The following GRM7 variants were observed in gnomAD, a reference collection of about 807,000 sequenced individuals.
The protein encoded by GRM7 is glutamate metabotropic receptor 7.
In GRM7, 35 loss-of-function variants were observed where a neutral mutation model predicts 84.5. The observed-to-expected ratio is 0.41, with a 90% CI of 0.32 to 0.55. The LOEUF (loss-of-function observed/expected upper bound fraction) is 0.55. GRM7 is among the 20% of genes least tolerant of loss of function. GRM7 has a pLI of 0.19. For missense variants in GRM7, 1,003 were observed against 1,194.6 expected (o/e 0.84, Z 2.36); for synonymous variants, 487 against 455.1 (o/e 1.07, Z -0.89).
chr3:6,965,830 A>T (rs1001849591), intron 1 of GRM7, among the ~76,000 whole-genome samples: 34 of 152,248 alleles, frequency 2.2e-4, no homozygotes, highest in African/African-American at 8.2e-4. Flanking sequence ...CATCCATCTG[A>T]GTGGTGCTAT....
intron 1 of GRM7, among the ~76,000 whole-genome samples, chr3:6,935,264 A>C (rs544487746): frequency 2.2e-4 from 34 of 152,272 alleles, no homozygotes; most frequent in African/African-American, 7.9e-4. Context: ...TGTACTATCC[A>C]CATTGTACTT....
intron 5 of GRM7, among the ~76,000 whole-genome samples, chr3:7,418,685 A>G (rs1183512098): frequency 5.3e-5 from 8 of 152,264 alleles, no homozygotes; most frequent in South Asian, 2.1e-4. Flanking sequence ...ATATGTTTCA[A>G]TGGAGATACT....
At chr3:7,411,625 ATTCT>A (rs1695940558) in intron 4 of GRM7, among the ~76,000 whole-genome samples, 1 of 152,144 alleles carries the variant, frequency 6.6e-6, no homozygotes, top group South Asian at 2.1e-4. Context: ...TACCGAATGC[ATTCT>A]TTATTTTCTG....
At chr3:7,003,691 T>C (rs1231249672) in intron 1 of GRM7, among the ~76,000 whole-genome samples, 1 of 152,240 alleles carries the variant, frequency 6.6e-6, no homozygotes, top group Admixed American at 6.5e-5. Flanking sequence ...GCTGCTATAG[T>C]AGTAAATAAT....
intron 9 of GRM7, among the ~76,000 whole-genome samples, chr3:7,688,166 G>A (rs576831296): frequency 9.2e-5 from 14 of 152,218 alleles, no homozygotes; most frequent in South Asian, 4.1e-4. Flanking sequence ...CTAAGTTGAC[G>A]CCTTTGGGTT....
rs1479263127 is a variant in GRM7, at chr3:7,579,370, G to T, written c.2451+13G>T. The stretch of plus-strand genomic sequence containing the variant: ...ATCAGCGGAAAAGGTAAGTGAAAAT[G>T]CACATCATAATATGTTTTTTAAAAA... On this transcript the variant is annotated intron_variant, in intron 8 of 9. Coordinates refer to ENST00000357716, the MANE Select transcript of GRM7 (RefSeq NM_000844.4). 5 of 1,433,090 alleles carry T rather than the reference G, an allele frequency of 3.5e-6. No homozygotes were observed. The highest frequency in any genetic ancestry group is 2.8e-5 in the African/African-American group (2 of 70,230). The allele number at this position is 1,433,090 out of a possible 1,614,324, so 88.8% of individuals were successfully genotyped here. A position where few individuals can be genotyped will look rare whatever the true frequency, so the allele number is the denominator to read the frequency against.
intron 8 of GRM7, among the ~76,000 whole-genome samples, chr3:7,662,053 G>C (rs1438872426): frequency 6.6e-6 from 1 of 151,980 alleles, no homozygotes; most frequent in South Asian, 2.1e-4. Context: ...CCTTGCAATG[G>C]AAAACTACCC....
At chr3:7,176,203 TA>T (rs1432718335) in intron 2 of GRM7, among the ~76,000 whole-genome samples, 1 of 101,108 alleles carries the variant, frequency 9.9e-6, no homozygotes, top group Non-Finnish European at 1.8e-5. Flanking sequence ...CTGGGCAACA[TA>T]AGGAGACCTC....
chr3:7,547,824 A>G (rs1373620179), intron 7 of GRM7, among the ~76,000 whole-genome samples: 1 of 152,250 alleles, frequency 6.6e-6, no homozygotes, highest in African/African-American at 2.4e-5. Context: ...CCCCTAATCT[A>G]TCATCATAAG....
intron 4 of GRM7, among the ~76,000 whole-genome samples, chr3:7,307,481 C>A (rs1392026631): frequency 6.6e-6 from 1 of 152,156 alleles, no homozygotes; most frequent in African/African-American, 2.4e-5. Flanking sequence ...AAAAAGGGAT[C>A]AAATATTTGC....
chr3:7,038,538 G>C (rs767794800), intron 1 of GRM7, among the ~76,000 whole-genome samples: 8 of 152,152 alleles, frequency 5.3e-5, no homozygotes, highest in Middle Eastern at 3.2e-3. Context: ...AAGGAAGAAA[G>C]AGCTAGGAAA....
chr3:7,548,164 G>A (rs370276380), intron 7 of GRM7, among the ~76,000 whole-genome samples: 1 of 152,206 alleles, frequency 6.6e-6, no homozygotes, highest in East Asian at 1.9e-4. Context: ...GGAAGCATTT[G>A]GGTCATAGGT....
chr3:7,564,795 A>G (rs1694184719), intron 7 of GRM7, among the ~76,000 whole-genome samples: 1 of 152,158 alleles, frequency 6.6e-6, no homozygotes, highest in Non-Finnish European at 1.5e-5. Flanking sequence ...GCTTATGGCC[A>G]TACTTACTAG....
chr3:7,478,138 G>A (rs1377412043), intron 7 of GRM7, among the ~76,000 whole-genome samples: 7 of 151,780 alleles, frequency 4.6e-5, no homozygotes, highest in African/African-American at 1.5e-4. Context: ...TTCCTTATAG[G>A]GATTTTTCTT....
At chr3:7,116,179 T>C (rs1693025788) in intron 1 of GRM7, among the ~76,000 whole-genome samples, 1 of 152,088 alleles carries the variant, frequency 6.6e-6, no homozygotes, top group African/African-American at 2.4e-5. Flanking sequence ...GCAAAAATAA[T>C]TTCTTCCTTT....
At chr3:7,541,171 A>G (rs1418038171) in intron 7 of GRM7, among the ~76,000 whole-genome samples, 5 of 152,142 alleles carry the variant, frequency 3.3e-5, no homozygotes, top group African/African-American at 1.2e-4. Context: ...TTCATTTCAT[A>G]GTGTACTTTT....
chr3:6,908,661 G>A (rs528944522), intron 1 of GRM7, among the ~76,000 whole-genome samples: 161 of 152,154 alleles, frequency 1.1e-3, no homozygotes, highest in African/African-American at 3.2e-3. Flanking sequence ...CCTTTTATGA[G>A]GACACTAAGA....
chr3:7,675,187 T>C (rs986249790), intron 8 of GRM7, among the ~76,000 whole-genome samples: 1 of 152,232 alleles, frequency 6.6e-6, no homozygotes, highest in Non-Finnish European at 1.5e-5. Flanking sequence ...TTTTTCCTGA[T>C]AGTTCTAGTC....
At chr3:7,152,647 C>T (rs940270746) in intron 2 of GRM7, among the ~76,000 whole-genome samples, 26 of 152,198 alleles carry the variant, frequency 1.7e-4, no homozygotes, top group African/African-American at 6.3e-4. Flanking sequence ...TTTTTCAAAA[C>T]ATGACACCTT....
Sources: gnomAD v4.1 joint callset for allele counts (sites outside exome capture counted in the v4.1 genomes callset) on GRCh38, gnomAD v4.1.1 for gene constraint, MANE v1.5 for transcripts, NCBI Gene and HGNC (gene_info 2026-07-23, HGNC 2026-07-21) for gene names.